The following GLRA1 variants were observed in gnomAD, a reference collection of about 807,000 sequenced individuals.
GLRA1 encodes glycine receptor alpha 1.
A neutral mutation model predicts 48.3 loss-of-function variants in GLRA1; 37 were observed. The ratio of observed to expected loss-of-function variants is 0.77; its 90% CI spans 0.59 to 1.01. The LOEUF is 1.01. GLRA1 is among the 50% of genes least tolerant of loss of function. The pLI is 0.00. For synonymous variants in GLRA1, 196 were observed against 210.7 expected (o/e 0.93, Z 0.60); for missense variants, 427 against 571.0 (o/e 0.75, Z 2.57).
chr5:151,904,110 G>A (rs536606847), intron 1 of GLRA1, among the ~76,000 whole-genome samples: 2 of 152,314 alleles, frequency 1.3e-5, no homozygotes, highest in South Asian at 4.1e-4. Context: ...GGGACTTAAC[G>A]AGATGGAAGG....
At position 151,871,855 on chromosome 5, in the gene GLRA1, C is replaced by T. The variant is rs536597952; in HGVS notation, c.253-11847G>A. ...CCGGGATTACAGGCGTGAACCACCG[C>T]GCCCGGCCGTGAGACGATTTTTATA... On this transcript the variant is annotated intron_variant, in intron 3 of 8. Transcript: ENST00000274576. Among the ~76,000 whole-genome samples the T allele has an allele frequency of 1.3e-4, 19 of 149,958 alleles. 1 individual carries two copies. Among genetic ancestry groups the T allele is most frequent in the African/African-American group, 4.6e-4 (18 of 39,310 alleles).
chr5:151,860,649 A>G (rs569596922), intron 3 of GLRA1, among the ~76,000 whole-genome samples: 2 of 152,322 alleles, frequency 1.3e-5, no homozygotes, highest in African/African-American at 2.4e-5. Context: ...CCAGCCTTCT[A>G]TAACTTACTG....
At chr5:151,916,157 G>A (rs192581470) in intron 1 of GLRA1, among the ~76,000 whole-genome samples, 1 of 152,222 alleles carries the variant, frequency 6.6e-6, no homozygotes, top group East Asian at 1.9e-4. Flanking sequence ...ATAACAGCAT[G>A]GTTACCTGCT....
chr5:151,911,348 C>T (rs1211886347), intron 1 of GLRA1, among the ~76,000 whole-genome samples: 1 of 152,168 alleles, frequency 6.6e-6, no homozygotes. Flanking sequence ...TGCACCTATC[C>T]TACTTTAATT....
intron 3 of GLRA1, among the ~76,000 whole-genome samples, chr5:151,862,303 T>C (rs961981923): frequency 3.3e-5 from 5 of 152,198 alleles, no homozygotes; most frequent in Non-Finnish European, 7.3e-5. Context: ...AAGACTTAAA[T>C]GTTAGACCTA....
intron 7 of GLRA1, chr5:151,849,166 T>TC (rs1725962057): frequency 6.5e-6 from 1 of 154,412 alleles, no homozygotes; most frequent in African/African-American, 4.2e-5. Flanking sequence ...TCTTTTCTTT[T>TC]CTTTCTTTCT....
chr5:151,909,541 A>G (rs565480876), intron 1 of GLRA1, among the ~76,000 whole-genome samples: 35 of 152,320 alleles, frequency 2.3e-4, no homozygotes, highest in Admixed American at 3.9e-4. Flanking sequence ...AATCACTTGC[A>G]TGTCATATAA....
At chr5:151,850,335 G>T in intron 7 of GLRA1, 1 of 1,529,070 alleles carries the variant, frequency 6.5e-7, no homozygotes, top group Non-Finnish European at 9.0e-7. Flanking sequence ...TTTCTGGGTG[G>T]GCTGTTTCAT....
chr5:151,835,027 C>CAAAAAAAAAAA, intron 7 of GLRA1, among the ~76,000 whole-genome samples: 1 of 52,536 alleles, frequency 1.9e-5, no homozygotes, highest in Non-Finnish European at 3.4e-5. Context: ...GACAACATCT[C>CAAAAAAAAAAA]AAAAAAAAAA....
chr5:151,849,988 A>T (rs1241009922), intron 7 of GLRA1: 1 of 1,599,258 alleles, frequency 6.3e-7, no homozygotes, highest in African/African-American at 1.3e-5. Context: ...TTTCGAGTAC[A>T]ACCGAAAGCC....
intron 3 of GLRA1, among the ~76,000 whole-genome samples, chr5:151,877,656 G>A (rs1286266021): frequency 6.6e-6 from 1 of 152,158 alleles, no homozygotes; most frequent in African/African-American, 2.4e-5. Context: ...GAATCATGGG[G>A]GCGGGTCTTT....
In GLRA1 at chr5:151,849,457, TTCC is replaced by T. The variant is rs1168396370; in HGVS notation, c.912+1930_912+1932del. On this transcript the variant is annotated intron_variant, in intron 7 of 8. Coordinates refer to ENST00000274576, the MANE Select transcript of GLRA1 (RefSeq NM_000171.4). ...TTTCCTTTCCTTTCCTTTCCTTTCCTTCCTTCCTTCCTTCCTTCCTTCCTTCCT... is the reference window on the plus strand; with the variant it reads ...TTTCCTTTCCTTTCCTTTCCTTTCCTTTCCTTCCTTCCTTCCTTCCTTCCT... Among the ~76,000 whole-genome samples, 305 of 36,372 alleles carry T rather than the reference TTCC, an allele frequency of 8.4e-3. 7 individuals carry two copies. Among genetic ancestry groups the T allele is most frequent in the Non-Finnish European group, 0.011 (213 of 20,238 alleles). 23.9% of individuals were successfully genotyped at this position (36,372 alleles called of 152,430 possible). A position where few individuals can be genotyped will look rare whatever the true frequency, so the allele number is the denominator to read the frequency against.
chr5:151,837,968 T>A (rs919027295), intron 7 of GLRA1, among the ~76,000 whole-genome samples: 3 of 152,126 alleles, frequency 2.0e-5, no homozygotes, highest in African/African-American at 7.2e-5. Flanking sequence ...TGTCCATTTT[T>A]AACAAAAATT....
At chr5:151,856,976 G>T (rs970528209) in intron 4 of GLRA1, among the ~76,000 whole-genome samples, 1 of 152,256 alleles carries the variant, frequency 6.6e-6, no homozygotes, top group African/African-American at 2.4e-5. Context: ...GCAGTCAGCT[G>T]CTTTGGGGAC....
chr5:151,882,917 ATGT>A (rs901488905), intron 3 of GLRA1, among the ~76,000 whole-genome samples: 3 of 152,134 alleles, frequency 2.0e-5, no homozygotes, highest in Admixed American at 2.0e-4. Context: ...TTATCAAATA[ATGT>A]TGTTTTGTTA....
At chr5:151,908,078 CT>C (rs1754521159) in intron 1 of GLRA1, among the ~76,000 whole-genome samples, 2 of 152,104 alleles carry the variant, frequency 1.3e-5, no homozygotes, top group African/African-American at 4.8e-5. Flanking sequence ...TCTGAGGGCT[CT>C]CTCAGCAGCC....
chr5:151,842,452 G>A (rs747048137), intron 7 of GLRA1, among the ~76,000 whole-genome samples: 23 of 151,928 alleles, frequency 1.5e-4, no homozygotes, highest in Non-Finnish European at 2.8e-4. Context: ...TGCAATGTTA[G>A]TTGAACATAC....
At chr5:151,853,695 A>C (rs1282482937) in intron 6 of GLRA1, among the ~76,000 whole-genome samples, 1 of 151,792 alleles carries the variant, frequency 6.6e-6, no homozygotes, top group Non-Finnish European at 1.5e-5. Flanking sequence ...CTTTTGATGC[A>C]CTTTTAATAT....
At chr5:151,847,127 G>A (rs549816907) in intron 7 of GLRA1, among the ~76,000 whole-genome samples, 4 of 152,324 alleles carry the variant, frequency 2.6e-5, no homozygotes, top group African/African-American at 9.6e-5. Context: ...TATCAAAACA[G>A]AATGTTAAGC....
Sources: gnomAD v4.1 joint callset for allele counts (sites outside exome capture counted in the v4.1 genomes callset) on GRCh38, gnomAD v4.1.1 for gene constraint, MANE v1.5 for transcripts, NCBI Gene and HGNC (gene_info 2026-07-23, HGNC 2026-07-21) for gene names.